RSRC1: variants seen among roughly 807,000 people sequenced by gnomAD.
RSRC1 encodes the protein serine/Arginine-related protein 53.
A neutral mutation model predicts 49.1 loss-of-function variants in RSRC1; 39 were observed. The ratio of observed to expected loss-of-function variants is 0.79; its 90% CI spans 0.61 to 1.04. The LOEUF is 1.04. Ranked by LOEUF, RSRC1 falls within the 50% of genes least tolerant of loss-of-function variation. The pLI, the probability that RSRC1 is intolerant of heterozygous loss-of-function variation, is 0.00. For synonymous variants in RSRC1, 143 were observed against 130.8 expected (o/e 1.09, Z -0.63); for missense variants, 388 against 402.4 (o/e 0.96, Z 0.31).
chr3:158,296,962 G>A (rs923611021), intron 4 of RSRC1, among the ~76,000 whole-genome samples: 1 of 151,866 alleles, frequency 6.6e-6, no homozygotes, highest in African/African-American at 2.4e-5. Context: ...GCAAGACAAA[G>A]GAAACAGGTA....
chr3:158,537,253 G>A (rs2108505501), intron 8 of RSRC1, 55 bp downstream of exon 8: 1 of 1,027,626 alleles, frequency 9.7e-7, no homozygotes, highest in Non-Finnish European at 1.4e-6. Flanking sequence ...CTGAAGAGAT[G>A]CTTTATTAAT....
chr3:158,176,355 G>A (rs1719216552), intron 3 of RSRC1, among the ~76,000 whole-genome samples: 1 of 152,104 alleles, frequency 6.6e-6, no homozygotes, highest in Admixed American at 6.5e-5. Flanking sequence ...ACTATCATAA[G>A]CAAAAAGAAT....
intron 5 of RSRC1, among the ~76,000 whole-genome samples, chr3:158,312,655 C>T (rs1728197901): frequency 6.6e-6 from 1 of 152,170 alleles, no homozygotes; most frequent in African/African-American, 2.4e-5. Context: ...AAGAAATTAT[C>T]AGTGGCATTT....
intron 3 of RSRC1, among the ~76,000 whole-genome samples, chr3:158,172,365 C>G (rs1055569018): frequency 6.6e-6 from 1 of 152,188 alleles, no homozygotes; most frequent in African/African-American, 2.4e-5. Context: ...ATGTATTCTG[C>G]TTTGCTACTC....
chr3:158,164,821 G>T (rs190059087), intron 3 of RSRC1, among the ~76,000 whole-genome samples: 1 of 152,166 alleles, frequency 6.6e-6, no homozygotes, highest in East Asian at 1.9e-4. Context: ...AGCTAAGTTT[G>T]TATAGAATTT....
At chr3:158,401,628 T>C (rs1351993430) in intron 6 of RSRC1, among the ~76,000 whole-genome samples, 3 of 152,034 alleles carry the variant, frequency 2.0e-5, no homozygotes, top group African/African-American at 7.2e-5. Flanking sequence ...CTTTTAGTAA[T>C]TCAACTAAGT....
At chr3:158,165,360 G>T (rs928293501) in intron 3 of RSRC1, among the ~76,000 whole-genome samples, 5 of 152,144 alleles carry the variant, frequency 3.3e-5, no homozygotes, top group African/African-American at 1.2e-4. Flanking sequence ...ATATGAGATC[G>T]TTAATAAGCA....
intron 7 of RSRC1, among the ~76,000 whole-genome samples, chr3:158,461,804 T>A (rs1244749773): frequency 1.3e-5 from 2 of 151,946 alleles, no homozygotes; most frequent in East Asian, 3.9e-4. Flanking sequence ...GTGCCAGAAT[T>A]TGGACTTTTG....
intron 3 of RSRC1, among the ~76,000 whole-genome samples, chr3:158,160,969 A>G (rs1486678470): frequency 6.6e-6 from 1 of 152,084 alleles, no homozygotes; most frequent in Non-Finnish European, 1.5e-5. Context: ...GGGAATTCAC[A>G]CTACTTCTGC....
intron 7 of RSRC1, among the ~76,000 whole-genome samples, chr3:158,478,363 A>G (rs1256623093): frequency 6.6e-6 from 1 of 151,934 alleles, no homozygotes. Context: ...ATAAACATTT[A>G]AAATAATGGT....
intron 3 of RSRC1, among the ~76,000 whole-genome samples, chr3:158,174,346 GT>G (rs1719069035): frequency 6.6e-6 from 1 of 151,834 alleles, no homozygotes; most frequent in Admixed American, 6.6e-5. Flanking sequence ...AAGTTTATTT[GT>G]TTATTTAAAA....
chr3:158,145,446 A>G (rs1483520611), intron 3 of RSRC1, among the ~76,000 whole-genome samples: 2 of 152,066 alleles, frequency 1.3e-5, no homozygotes, highest in East Asian at 1.9e-4. Context: ...AGTTGTAGAT[A>G]TGTGGTATTA....
At chr3:158,321,291 CTCCTCCTCTTCT>C (rs1372628483) in intron 5 of RSRC1, among the ~76,000 whole-genome samples, 23 of 151,230 alleles carry the variant, frequency 1.5e-4, no homozygotes, top group South Asian at 2.1e-4. Context: ...CTTCCTCCTC[CTCCTCCTCTTCT>C]TCCTCTTCTT....
At chr3:158,287,686 A>C (rs1487795560) in intron 4 of RSRC1, among the ~76,000 whole-genome samples, 3 of 152,180 alleles carry the variant, frequency 2.0e-5, no homozygotes, top group Admixed American at 1.3e-4. Flanking sequence ...AGTAGTGAAA[A>C]AATTTAAGCT....
In RSRC1 at chr3:158,544,465, TAAAAC is replaced by T. The variant is rs1322556319; in HGVS notation, c.*195_*199del. The stretch of plus-strand genomic sequence containing the variant: ...GAATTAAATCAAACATTGTAAAAAT[TAAAAC>T]AAAATTTAAGATTGCATGAAAATGT... On this transcript the variant is annotated 3_prime_UTR_variant, in exon 10 of 10. Coordinates refer to ENST00000611884, the MANE Select transcript of RSRC1 (RefSeq NM_001271838.2). 5.2e-6 allele frequency: 2 copies of T among 384,822 alleles called. No individual in the cohort carries two copies. The highest frequency in any genetic ancestry group is 4.3e-5 in the Admixed American group (1 of 23,288). 23.8% of individuals were successfully genotyped at this position (384,822 alleles called of 1,614,324 possible). A position where few individuals can be genotyped will look rare whatever the true frequency, so the allele number is the denominator to read the frequency against.
chr3:158,281,747 T>A (rs1193409990), intron 4 of RSRC1, among the ~76,000 whole-genome samples: 2 of 152,164 alleles, frequency 1.3e-5, no homozygotes, highest in African/African-American at 4.8e-5. Context: ...GATGATAAAG[T>A]AGACTTTGGA....
intron 4 of RSRC1, among the ~76,000 whole-genome samples, chr3:158,231,565 G>A (rs983541843): frequency 6.6e-6 from 1 of 152,086 alleles, no homozygotes; most frequent in Non-Finnish European, 1.5e-5. Context: ...CTCGCTTGTG[G>A]CCATGATGCT....
intron 7 of RSRC1, among the ~76,000 whole-genome samples, chr3:158,495,136 C>T (rs749903223): frequency 3.3e-5 from 5 of 152,100 alleles, no homozygotes; most frequent in Non-Finnish European, 5.9e-5. Flanking sequence ...ATTTTCAACC[C>T]CAGTATTATA....
chr3:158,286,769 A>G (rs1282765645), intron 4 of RSRC1, among the ~76,000 whole-genome samples: 3 of 152,234 alleles, frequency 2.0e-5, no homozygotes, highest in Admixed American at 6.5e-5. Context: ...TAATAAAAAG[A>G]CTTTAATAAT....
Sources: gnomAD v4.1 joint callset for allele counts (sites outside exome capture counted in the v4.1 genomes callset) on GRCh38, gnomAD v4.1.1 for gene constraint, MANE v1.5 for transcripts, NCBI Gene and HGNC (gene_info 2026-07-23, HGNC 2026-07-21) for gene names.